Variants in MYH9 observed in about 807,000 individuals in gnomAD.
The protein encoded by MYH9 is myosin heavy chain 9, also known as myosin-9.
In MYH9, 29 loss-of-function variants were observed where a neutral mutation model predicts 241.9. The observed-to-expected ratio is 0.12, with a 90% confidence interval of 0.09 to 0.16. The LOEUF is 0.16. Among genes scored for constraint, MYH9 ranks in the 10% least tolerant of loss-of-function variants. MYH9 has a pLI of 1.00. For synonymous variants in MYH9, 1,047 were observed against 1,062.6 expected (o/e 0.99, Z 0.29); for missense variants, 1,803 against 2,595.5 (o/e 0.69, Z 6.63).
chr22:36,322,376 G>A, intron 6 of MYH9, 53 bp downstream of exon 6: 2 of 1,587,702 alleles, frequency 1.3e-6, no homozygotes, highest in South Asian at 1.1e-5. Context: ...ATGAGCCAAA[G>A]CTCCGGGCAA....
chr22:36,297,039 A>G, intron 24 of MYH9, 25 bp from the exon 25 acceptor site: 1 of 1,612,490 alleles, frequency 6.2e-7, no homozygotes, highest in Non-Finnish European at 8.5e-7. Flanking sequence ...GAGCCCACAT[A>G]GCCCTCAGTG....
Position 36,320,387 on chromosome 22 carries a change from C to T in MYH9, c.869-24G>A, listed in dbSNP as rs372850950. ...GGCTGTAAGGGGTGGAGGGCAAGGG[C>T]GCCTCAGCGAGGTGCTGAAAGTGGA... On this transcript the variant is annotated intron_variant, in intron 8 of 40. Coordinates refer to ENST00000216181, the MANE Select transcript of MYH9 (RefSeq NM_002473.6). This position sits in a 1 kb window ranked among gnomAD's most constrained non-coding sequence, Gnocchi z 4.8. 3.0e-5 allele frequency: 49 copies of T among 1,610,744 alleles called. No homozygotes were observed. Among genetic ancestry groups the T allele is most frequent in the Non-Finnish European group, 3.5e-5 (41 of 1,179,970 alleles).
In MYH9 at chr22:36,285,167, C is replaced by T. The variant is rs761427754; in HGVS notation, c.5437G>A (p.Glu1813Lys). Residue 1813 changes from glutamate to lysine, a missense_variant, in exon 38 of 41, where the codon GAG (glutamate) becomes AAG (lysine). Glu to Lys is a moderately conservative substitution (Grantham distance 56). Coordinates refer to ENST00000216181, the MANE Select transcript of MYH9 (RefSeq NM_002473.6). This position sits in a 1 kb window ranked among gnomAD's most constrained non-coding sequence, Gnocchi z 7.0. The stretch of plus-strand genomic sequence containing the variant: ...TCCTCCAGCTGTGCAATCTTGGCCT[C>T]GAGGGCGGTGATGGAGGCCTTGTAC... Reference protein sequence around the residue: ...SKYKASITALEAKIAQLEEQL... With the variant: ...SKYKASITALKAKIAQLEEQL... The T allele has an allele frequency of 2.5e-6, 4 of 1,614,030 alleles. No homozygotes were observed. In the South Asian group the frequency reaches 3.3e-5, roughly 13 times the overall value.
chr22:36,348,647 C>A (rs2017717081), intron 2 of MYH9, among the ~76,000 whole-genome samples: 1 of 151,726 alleles, frequency 6.6e-6, no homozygotes, highest in Admixed American at 6.5e-5. Context: ...GGGCCATATT[C>A]TTCTCCCTAC....
intron 1 of MYH9, among the ~76,000 whole-genome samples, chr22:36,354,556 G>A (rs557300808): frequency 6.6e-5 from 10 of 151,190 alleles, no homozygotes; most frequent in African/African-American, 9.7e-5. Context: ...GCGATTCTCC[G>A]CTGCAGCCTC....
intron 19 of MYH9, among the ~76,000 whole-genome samples, chr22:36,303,391 G>C (rs913131959): frequency 6.6e-6 from 1 of 151,890 alleles, no homozygotes; most frequent in East Asian, 2.0e-4. Context: ...CCCCACAAGG[G>C]TCACACGGTA....
At chr22:36,385,660 C>T (rs1345085789) in intron 1 of MYH9, among the ~76,000 whole-genome samples, 1 of 152,170 alleles carries the variant, frequency 6.6e-6, no homozygotes, top group Non-Finnish European at 1.5e-5. Context: ...CCCTTCTCTC[C>T]GGGGCTGGGG....
At chr22:36,351,312 C>T (rs1488072351) in intron 1 of MYH9, among the ~76,000 whole-genome samples, 1 of 152,176 alleles carries the variant, frequency 6.6e-6, no homozygotes, top group African/African-American at 2.4e-5. Context: ...CCCACAGACC[C>T]TTGTGGGGGC....
intron 2 of MYH9, among the ~76,000 whole-genome samples, chr22:36,345,490 G>A (rs921063308): frequency 6.6e-6 from 1 of 152,024 alleles, no homozygotes; most frequent in Non-Finnish European, 1.5e-5. Context: ...TCAGCTTAGT[G>A]GCACAGCAGA....
In MYH9 at chr22:36,295,499, G is replaced by A. The variant is rs867754177; in HGVS notation, c.3485+6C>T. 9.9e-6 allele frequency: 16 copies of A among 1,611,512 alleles called. No individual in the cohort carries two copies. The highest frequency in any genetic ancestry group is 1.7e-5 in the Admixed American group (1 of 59,992). ...CCATCCCGAGGGACTTGGTCCCAGG[G>A]CACACCTGAGCTCCTGCTGGGCAGC... On this transcript the variant is annotated splice_donor_region_variant and intron_variant, in intron 26 of 40. Coordinates refer to ENST00000216181, the MANE Select transcript of MYH9 (RefSeq NM_002473.6). This position sits in a 1 kb window ranked among gnomAD's most constrained non-coding sequence, Gnocchi z 4.1.
chr22:36,384,631 T>A (rs1414520589), intron 1 of MYH9, among the ~76,000 whole-genome samples: 15 of 86,352 alleles, frequency 1.7e-4, no homozygotes, highest in African/African-American at 5.0e-4. Flanking sequence ...TATATATATA[T>A]ATATATATAT....
intron 1 of MYH9, among the ~76,000 whole-genome samples, chr22:36,374,634 C>T (rs12158337): frequency 9.0e-4 from 137 of 152,366 alleles, no homozygotes; most frequent in African/African-American, 3.2e-3. Flanking sequence ...GCTGGCCACA[C>T]AACCAGAGGG....
Position 36,288,708 on chromosome 22 carries a change from A to G in MYH9, c.4770+19T>C. 6.2e-7 allele frequency: 1 copy of G among 1,600,464 alleles called. No homozygotes were observed. Among genetic ancestry groups the G allele is most frequent in the Non-Finnish European group, 8.5e-7 (1 of 1,179,748 alleles). On this transcript the variant is annotated intron_variant, in intron 33 of 40. Coordinates refer to ENST00000216181, the MANE Select transcript of MYH9 (RefSeq NM_002473.6). This position sits in a 1 kb window ranked among gnomAD's most constrained non-coding sequence, Gnocchi z 4.8. Reference sequence around the variant, plus strand: ...AGGCAGCCTTGGGCACCCATGGGGTAGCAGGAGGCCATGCACACCTGTCTG... The same window carrying G: ...AGGCAGCCTTGGGCACCCATGGGGTGGCAGGAGGCCATGCACACCTGTCTG...
intron 1 of MYH9, among the ~76,000 whole-genome samples, chr22:36,363,026 G>A (rs1490289770): frequency 6.6e-6 from 1 of 152,104 alleles, no homozygotes; most frequent in Non-Finnish European, 1.5e-5. Flanking sequence ...ACTCCCCAGA[G>A]CAGCCTTTGC....
rs542359965 is a variant in MYH9, at chr22:36,320,731, G to A, written c.868+67C>T. 1.6e-4 allele frequency: 212 copies of A among 1,357,198 alleles called. 1 individual carries two copies. The highest frequency in any genetic ancestry group is 2.3e-4 in the East Asian group (10 of 43,374). 84.1% of individuals were successfully genotyped at this position (1,357,198 alleles called of 1,614,324 possible). A position where few individuals can be genotyped will look rare whatever the true frequency, so the allele number is the denominator to read the frequency against. ...TTTTCATTTCCCAAATGATGTCTAC[G>A]GTCCAATTCTGGCAAGAGGCCCAGA... On this transcript the variant is annotated intron_variant, in intron 8 of 40. Transcript: ENST00000216181. This position sits in a 1 kb window ranked among gnomAD's most constrained non-coding sequence, Gnocchi z 4.8.
intron 1 of MYH9, among the ~76,000 whole-genome samples, chr22:36,378,091 A>G (rs561593524): frequency 3.3e-5 from 5 of 151,490 alleles, no homozygotes; most frequent in Admixed American, 2.6e-4. Context: ...CCTGGGCAAC[A>G]TGGCAAAACC....
rs546964146 is a variant in MYH9, at chr22:36,327,527, G to A, written c.491-39C>T. 7.2e-5 allele frequency: 116 copies of A among 1,613,110 alleles called. 2 individuals carry two copies. In the South Asian group the frequency reaches 1.1e-3, roughly 15 times the overall value. On this transcript the variant is annotated intron_variant, in intron 3 of 40. Transcript: ENST00000216181. ...GACATCAGATTAACTCCCGCCAGATGCAAAAGCCTCCCCACCTTGCTCCCA... is the reference window on the plus strand; with the variant it reads ...GACATCAGATTAACTCCCGCCAGATACAAAAGCCTCCCCACCTTGCTCCCA...
Position 36,292,204 on chromosome 22 carries a change from T to C in MYH9, c.4126A>G (p.Ser1376Gly), listed in dbSNP as rs771692651. 6.2e-7 allele frequency: 1 copy of C among 1,614,000 alleles called. No homozygotes were observed. The highest frequency in any genetic ancestry group is 1.1e-5 in the South Asian group (1 of 91,078). ...TCAGCAGTTTCCAGGCACCCCACAC[T>C]GTCCTCCATCTTCTTTTTCATGTCG... ...VADMKKKMED[S>G]VGCLETAEEV... Residue 1376 changes from serine (S) to glycine (G), a missense_variant, in exon 31 of 41, where the codon AGT becomes GGT. Physicochemically the swap from Ser to Gly is moderately conservative, Grantham distance 56. This residue lies in a region of MYH9 where 876 missense variants were observed against 1,077.8 expected (regional missense o/e 0.81). Coordinates refer to ENST00000216181, the MANE Select transcript of MYH9 (RefSeq NM_002473.6).
intron 5 of MYH9, among the ~76,000 whole-genome samples, chr22:36,324,456 G>A (rs895993440): frequency 2.0e-5 from 3 of 152,250 alleles, no homozygotes; most frequent in African/African-American, 7.2e-5. Flanking sequence ...GAGAGTCAAA[G>A]GTCACCGTTC....
Sources: allele counts gnomAD v4.1 joint callset (sites outside exome capture counted in the v4.1 genomes callset), GRCh38; gene constraint gnomAD v4.1.1; regional missense constraint gnomAD v4.1.1; non-coding constraint Gnocchi (gnomAD v3.1); transcripts MANE v1.5; gene names NCBI Gene and HGNC (gene_info 2026-07-23, HGNC 2026-07-21).